The following KIAA0513 variants were observed in gnomAD, a reference collection of about 807,000 sequenced individuals.
The protein encoded by KIAA0513 is uncharacterized protein KIAA0513.
A neutral mutation model predicts 56.5 loss-of-function variants in KIAA0513; 39 were observed. That is an observed-to-expected ratio of 0.69 (90% CI 0.53 to 0.90). The LOEUF (loss-of-function observed/expected upper bound fraction) is 0.90, where lower values mean the gene tolerates loss of function less well. Among genes scored for constraint, KIAA0513 ranks in the 40% least tolerant of loss-of-function variants. The probability of loss-of-function intolerance (pLI) is 0.00; values close to 1 mark genes in which losing one functional copy is unlikely to be tolerated. For missense variants in KIAA0513, 591 were observed against 535.2 expected (o/e 1.10, Z -1.03); for synonymous variants, 268 against 215.6 (o/e 1.24, Z -2.13).
intron 1 of KIAA0513, among the ~76,000 whole-genome samples, chr16:85,038,170 G>A (rs1192588942): frequency 6.6e-6 from 1 of 152,036 alleles, no homozygotes; most frequent in Non-Finnish European, 1.5e-5. Flanking sequence ...ACACTATGTC[G>A]CCGTAGATAG....
At chr16:85,059,291 C>A (rs538184540) in intron 1 of KIAA0513, among the ~76,000 whole-genome samples, 1 of 152,194 alleles carries the variant, frequency 6.6e-6, no homozygotes, top group Non-Finnish European at 1.5e-5. Context: ...AAAAATTGAT[C>A]TATGCTGTGG....
intron 4 of KIAA0513, among the ~76,000 whole-genome samples, chr16:85,074,547 T>G (rs1363101497): frequency 6.6e-6 from 1 of 152,158 alleles, no homozygotes; most frequent in Non-Finnish European, 1.5e-5. Context: ...TCTTTGAACT[T>G]GGGCATATAC....
At chr16:85,070,423 A>G (rs2073555822) in intron 2 of KIAA0513, among the ~76,000 whole-genome samples, 3 of 152,162 alleles carry the variant, frequency 2.0e-5, no homozygotes, top group Non-Finnish European at 4.4e-5. Context: ...TCACACCTGT[A>G]ATCCCAGCAC....
chr16:85,087,240 C>T (rs2073820180), intron 12 of KIAA0513, 74 bp downstream of exon 12: 1 of 1,193,452 alleles, frequency 8.4e-7, no homozygotes. Context: ...CCCGCTGGCG[C>T]TTCTGCACTG....
At chr16:85,074,658 G>A (rs771228567) in intron 4 of KIAA0513, among the ~76,000 whole-genome samples, 3 of 152,202 alleles carry the variant, frequency 2.0e-5, no homozygotes, top group Non-Finnish European at 4.4e-5. Context: ...GGCCTTCAGA[G>A]CTGGCCAGGG....
At chr16:85,056,322 C>T (rs904540336) in intron 1 of KIAA0513, among the ~76,000 whole-genome samples, 10 of 152,200 alleles carry the variant, frequency 6.6e-5, no homozygotes, top group South Asian at 6.2e-4. Flanking sequence ...CTCTCAACAC[C>T]GCCATGAGAA....
At chr16:85,048,036 A>G (rs2073195637) in intron 1 of KIAA0513, among the ~76,000 whole-genome samples, 1 of 152,228 alleles carries the variant, frequency 6.6e-6, no homozygotes, top group African/African-American at 2.4e-5. Context: ...ACCATAAGGA[A>G]ATGAGAAGAT....
chr16:85,093,613 G>A lies in KIAA0513; in HGVS notation c.*5288G>A, dbSNP rs1017618494. On this transcript the variant is annotated 3_prime_UTR_variant, in exon 13 of 13. Coordinates refer to ENST00000683363, the MANE Select transcript of KIAA0513 (RefSeq NM_001388359.1). ...TGATTTGCTCATGAAATAGAGGTGG[G>A]GGACGACCGCATGCACTCTGGGAGG... The A allele has an allele frequency of 2.6e-5, 4 of 152,452 alleles. No homozygotes were observed. The highest frequency in any genetic ancestry group is 2.6e-4 in the Admixed American group (4 of 15,280). The allele number at this position is 152,452 out of a possible 1,614,324, so 9.4% of individuals were successfully genotyped here.
intron 10 of KIAA0513, among the ~76,000 whole-genome samples, chr16:85,083,597 G>T (rs2073773979): frequency 6.6e-6 from 1 of 152,206 alleles, no homozygotes; most frequent in Admixed American, 6.5e-5. Context: ...TCCTCTGAGA[G>T]CTGGTTGGTA....
rs199599494 is a variant in KIAA0513 at position 85,075,805 on chromosome 16, G to A, written c.504-39G>A. 4.7e-5 allele frequency: 76 copies of A among 1,602,994 alleles called. No individual in the cohort carries two copies. In the Admixed American group the frequency reaches 1.1e-3, roughly 24 times the overall value. ...GACCGACTTGCAGGAAGAAGCAGGTGGAGCGATCTTTAGCCATGAGCCTTG... is the reference window on the plus strand; with the variant it reads ...GACCGACTTGCAGGAAGAAGCAGGTAGAGCGATCTTTAGCCATGAGCCTTG... On this transcript the variant is annotated intron_variant, in intron 4 of 12. Coordinates refer to ENST00000683363, the MANE Select transcript of KIAA0513 (RefSeq NM_001388359.1).
At chr16:85,083,510 CTG>C (rs991593024) in intron 10 of KIAA0513, among the ~76,000 whole-genome samples, 3 of 152,198 alleles carry the variant, frequency 2.0e-5, no homozygotes, top group Non-Finnish European at 4.4e-5. Flanking sequence ...CTCTGGGTGA[CTG>C]TGTGTTTAAC....
In KIAA0513 at chr16:85,089,488, C is replaced by G. The variant is rs1327047809; in HGVS notation, c.*1163C>G. On this transcript the variant is annotated 3_prime_UTR_variant, in exon 13 of 13. Coordinates refer to ENST00000683363, the MANE Select transcript of KIAA0513 (RefSeq NM_001388359.1). This position sits in a 1 kb window ranked among gnomAD's most constrained non-coding sequence, Gnocchi z 4.2. ...GTCTGTACCAGGTACTCCAGGCCAG[C>G]CCATGGGCCCGGGGCCTGACCCCAA... 1 of 152,568 alleles carries G rather than the reference C, an allele frequency of 6.6e-6. No individual in the cohort carries two copies. Among genetic ancestry groups the G allele is most frequent in the Non-Finnish European group, 1.5e-5 (1 of 68,334 alleles). 9.5% of individuals were successfully genotyped at this position (152,568 alleles called of 1,614,324 possible).
intron 1 of KIAA0513, among the ~76,000 whole-genome samples, 197 bp downstream of exon 1, chr16:85,028,055 G>T (rs896224386): frequency 1.3e-5 from 2 of 152,150 alleles, no homozygotes; most frequent in African/African-American, 2.4e-5. Context: ...CTCAGGCCGG[G>T]GTTCTCCGCG....
At chr16:85,030,715 G>A (rs968878667) in intron 1 of KIAA0513, among the ~76,000 whole-genome samples, 1 of 150,352 alleles carries the variant, frequency 6.7e-6, no homozygotes, top group African/African-American at 2.5e-5. Context: ...CTGCACTCCA[G>A]CCTGGGTGAC....
chr16:85,078,519 A>T, intron 7 of KIAA0513, 64 bp downstream of exon 7: 1 of 1,516,444 alleles, frequency 6.6e-7, no homozygotes, highest in Non-Finnish European at 9.1e-7. Context: ...GCACACAAGC[A>T]GGTGCACGGC....
chr16:85,067,046 A>C lies in KIAA0513; in HGVS notation c.-26A>C. 1 of 1,518,154 alleles carries C rather than the reference A, an allele frequency of 6.6e-7. No homozygotes were observed. Among genetic ancestry groups the C allele is most frequent in the Non-Finnish European group, 8.8e-7 (1 of 1,134,524 alleles). The allele number at this position is 1,518,154 out of a possible 1,614,324, so 94.0% of individuals were successfully genotyped here. ...CCTCTAGGCAGCCTCCCCTCCAGGC[A>C]GCCTCACCAGCAGCTCCCCTGAGCC... On this transcript the variant is annotated 5_prime_UTR_variant, in exon 2 of 13. Coordinates refer to ENST00000683363, the MANE Select transcript of KIAA0513 (RefSeq NM_001388359.1).
chr16:85,047,947 C>T (rs977258325), intron 1 of KIAA0513, among the ~76,000 whole-genome samples: 3 of 152,168 alleles, frequency 2.0e-5, no homozygotes, highest in Non-Finnish European at 2.9e-5. Context: ...GCCTGTCTAG[C>T]CTTTTAGCCA....
chr16:85,087,742 G>A (rs562916099), intron 12 of KIAA0513, among the ~76,000 whole-genome samples: 4 of 152,240 alleles, frequency 2.6e-5, no homozygotes, highest in South Asian at 2.1e-4. Flanking sequence ...ACACTTAGGC[G>A]TGGGTACGGA....
Position 85,066,958 on chromosome 16 carries a change from T to C in KIAA0513, c.-114T>C, listed in dbSNP as rs924248372. The C allele has an allele frequency of 1.2e-6, 1 of 852,212 alleles. No homozygotes were observed. Among genetic ancestry groups the C allele is most frequent in the Non-Finnish European group, 1.8e-6 (1 of 562,804 alleles). The allele number at this position is 852,212 out of a possible 1,614,324, so 52.8% of individuals were successfully genotyped here. ...CTCATTCTTGGTAGCCGGCAGTTAC[T>C]GGCAACTTGTGAGCTTGGTGGGCTC... On this transcript the variant is annotated 5_prime_UTR_variant, in exon 2 of 13. Coordinates refer to ENST00000683363, the MANE Select transcript of KIAA0513 (RefSeq NM_001388359.1).
Sources: gnomAD v4.1 joint callset for allele counts (sites outside exome capture counted in the v4.1 genomes callset) on GRCh38, gnomAD v4.1.1 for gene constraint, Gnocchi (gnomAD v3.1) non-coding constraint, MANE v1.5 for transcripts, NCBI Gene and HGNC (gene_info 2026-07-23, HGNC 2026-07-21) for gene names.